The following ITCH variants were observed in gnomAD, a reference collection of about 807,000 sequenced individuals.
The protein encoded by ITCH is E3 ubiquitin-protein ligase Itchy homolog.
Under a neutral mutation model 126.8 loss-of-function variants are expected in ITCH, and 28 were observed. That is an observed-to-expected ratio of 0.22 (90% CI 0.16 to 0.30). ITCH has a LOEUF of 0.30. Among genes scored for constraint, ITCH ranks in the 10% least tolerant of loss-of-function variants. The pLI is 1.00. For missense variants in ITCH, 631 were observed against 1,032.4 expected, an observed-to-expected ratio of 0.61 and a Z score of 5.33; for synonymous variants, 342 against 340.0, an observed-to-expected ratio of 1.01 and a Z score of -0.06.
intron 6 of ITCH, among the ~76,000 whole-genome samples, chr20:34,424,210 G>A (rs1019458846): frequency 6.6e-6 from 1 of 152,094 alleles, no homozygotes; most frequent in African/African-American, 2.4e-5. Context: ...AAAAAAGGCA[G>A]GAATAGTAGT....
chr20:34,476,430 C>A, intron 16 of ITCH: 1 of 1,227,918 alleles, frequency 8.1e-7, no homozygotes, highest in South Asian at 3.9e-5. Context: ...CGCCGAGGAC[C>A]GCAGAAGCGG....
intron 12 of ITCH, among the ~76,000 whole-genome samples, chr20:34,453,647 A>C (rs1041669127): frequency 6.6e-6 from 1 of 152,166 alleles, no homozygotes; most frequent in Non-Finnish European, 1.5e-5. Flanking sequence ...CTATATACTT[A>C]GGGTATTATT....
In ITCH at chr20:34,475,826, T is replaced by C. The variant is rs1293351911; in HGVS notation, c.1570-1946T>C. 5.6e-6 allele frequency: 4 copies of C among 711,308 alleles called. No homozygotes were observed. In the African/African-American group the frequency reaches 7.1e-5, roughly 13 times the overall value. 44.1% of individuals were successfully genotyped at this position (711,308 alleles called of 1,614,324 possible). On this transcript the variant is annotated intron_variant, in intron 16 of 24. Transcript: ENST00000374864. ...TGAATTAAAATAGTAAAGCTAGTCA[T>C]AATACAGAATCCACTCATCCATGTA...
rs371372248 is a variant in ITCH, at chr20:34,393,900, G to A, written c.70+19G>A. ...ATCACTGGTAAGTTTTAGAAACATC[G>A]GCTGCTTTACTTTATTTTTCCCCGT... On this transcript the variant is annotated intron_variant, in intron 3 of 24. Coordinates refer to ENST00000374864, the MANE Select transcript of ITCH (RefSeq NM_031483.7). The A allele has an allele frequency of 7.5e-6, 12 of 1,605,050 alleles. No individual in the cohort carries two copies. The highest frequency in any genetic ancestry group is 2.2e-5 in the East Asian group (1 of 44,846).
chr20:34,416,456 T>A (rs1979866560), intron 6 of ITCH, among the ~76,000 whole-genome samples: 1 of 152,140 alleles, frequency 6.6e-6, no homozygotes, highest in Admixed American at 6.6e-5. Flanking sequence ...TTTATGAATG[T>A]CATCTCTCAG....
At chr20:34,401,910 A>G (rs1490348237) in intron 3 of ITCH, among the ~76,000 whole-genome samples, 1 of 152,176 alleles carries the variant, frequency 6.6e-6, no homozygotes, top group South Asian at 2.1e-4. Flanking sequence ...TGAAACTAGT[A>G]CTAATCACTT....
intron 13 of ITCH, among the ~76,000 whole-genome samples, chr20:34,457,675 A>G (rs969387959): frequency 2.6e-5 from 4 of 152,310 alleles, no homozygotes; most frequent in Middle Eastern, 6.8e-3. Context: ...AAAAAACTTT[A>G]ACTGGGCATG....
chr20:34,376,441 G>C (rs945674), intron 2 of ITCH, among the ~76,000 whole-genome samples: 83,601 of 150,970 alleles, frequency 0.55, 23,643 homozygotes, highest in African/African-American at 0.65. Context: ...GAGTGTGACC[G>C]TGTCTCAAAA....
At chr20:34,414,106 C>T (rs1416873775) in intron 6 of ITCH, among the ~76,000 whole-genome samples, 7 of 147,726 alleles carry the variant, frequency 4.7e-5, no homozygotes, top group East Asian at 2.0e-4. Flanking sequence ...CACATCACTG[C>T]GGTCCAGCCT....
At chr20:34,462,570 C>T (rs1042850381) in intron 14 of ITCH, among the ~76,000 whole-genome samples, 2 of 152,166 alleles carry the variant, frequency 1.3e-5, no homozygotes, top group African/African-American at 4.8e-5. Context: ...CACCCCATTT[C>T]TGAGAAAGTA....
chr20:34,472,709 G>A lies in ITCH; in HGVS notation c.1569+1194G>A, dbSNP rs77915361. ...AGTTTTTTTCATTTCCTAATGGAAC[G>A]TCAGTTATTGACATTAAAGGAAAAA... On this transcript the variant is annotated intron_variant, in intron 16 of 24. Transcript: ENST00000374864. 2.2e-3 allele frequency among the ~76,000 whole-genome samples: 333 copies of A among 152,286 alleles called. 5 individuals are homozygous for A. Among genetic ancestry groups the A allele is most frequent in the South Asian group, 0.016 (77 of 4,828 alleles).
At chr20:34,416,612 TACAG>T (rs1385586916) in intron 6 of ITCH, among the ~76,000 whole-genome samples, 1 of 152,168 alleles carries the variant, frequency 6.6e-6, no homozygotes, top group African/African-American at 2.4e-5. Context: ...CTACTGTACT[TACAG>T]ACACATTTTT....
rs1008376848 is a variant in ITCH, at chr20:34,393,665, T to C, written c.-21-126T>C. On this transcript the variant is annotated intron_variant, in intron 2 of 24. Transcript: ENST00000374864. ...GTAGGATAAAGACTAGAATTGAAAA[T>C]TGTGTTTAGTAATGTAAAGGCCTTT... 3 of 721,580 alleles carry C rather than the reference T, an allele frequency of 4.2e-6. No individual in the cohort carries two copies. In the African/African-American group the frequency reaches 5.2e-5, roughly 13 times the overall value. 44.7% of individuals were successfully genotyped at this position (721,580 alleles called of 1,614,324 possible). A position where few individuals can be genotyped will look rare whatever the true frequency, so the allele number is the denominator to read the frequency against.
intron 3 of ITCH, chr20:34,401,682 C>A: frequency 1.1e-6 from 1 of 934,406 alleles, no homozygotes; most frequent in Non-Finnish European, 1.3e-6. Context: ...CGGTCCTCCT[C>A]ACCTTAAGGG....
At chr20:34,383,671 T>A (rs2038154179) in intron 2 of ITCH, among the ~76,000 whole-genome samples, 1 of 151,582 alleles carries the variant, frequency 6.6e-6, no homozygotes, top group Admixed American at 6.6e-5. Context: ...TGTGCCTGGC[T>A]GATATATATA....
chr20:34,382,466 G>A (rs1268137104), intron 2 of ITCH, among the ~76,000 whole-genome samples: 7 of 152,086 alleles, frequency 4.6e-5, no homozygotes, highest in Non-Finnish European at 7.4e-5. Context: ...GAGTGCAGTG[G>A]CGTGATCTCA....
At chr20:34,364,408 C>T (rs1440456852) in intron 1 of ITCH, among the ~76,000 whole-genome samples, 1 of 152,064 alleles carries the variant, frequency 6.6e-6, no homozygotes, top group Non-Finnish European at 1.5e-5. Context: ...GTGGGTTCTC[C>T]TGCATCTTTT....
rs80197783 is a variant in ITCH, at chr20:34,476,300, C to G, written c.1570-1472C>G. The G allele has an allele frequency of 2.5e-3, 2,335 of 931,620 alleles. 38 individuals carry two copies. In the African/African-American group the frequency reaches 0.033, roughly 13 times the overall value. 57.7% of individuals were successfully genotyped at this position (931,620 alleles called of 1,614,324 possible). Reference sequence around the variant, plus strand: ...ACTTTATCTTCTGAGCTGCTCCGCGCCCCTGCCGACACGCTCAGCGGCCGG... The same window carrying G: ...ACTTTATCTTCTGAGCTGCTCCGCGGCCCTGCCGACACGCTCAGCGGCCGG... On this transcript the variant is annotated intron_variant, in intron 16 of 24. Coordinates refer to ENST00000374864, the MANE Select transcript of ITCH (RefSeq NM_031483.7).
intron 1 of ITCH, among the ~76,000 whole-genome samples, chr20:34,366,257 G>A (rs761867575): frequency 3.9e-5 from 6 of 152,036 alleles, no homozygotes; most frequent in Non-Finnish European, 7.4e-5. Context: ...GTGATTTTTT[G>A]TTGTTGAGAC....
Sources: gnomAD v4.1 joint callset for allele counts (sites outside exome capture counted in the v4.1 genomes callset) on GRCh38, gnomAD v4.1.1 for gene constraint, MANE v1.5 for transcripts, NCBI Gene and HGNC (gene_info 2026-07-23, HGNC 2026-07-21) for gene names.